The following XPOT variants were observed in gnomAD, a reference collection of about 807,000 sequenced individuals.
XPOT encodes exportin for tRNA.
Under a neutral mutation model 128.2 loss-of-function variants are expected in XPOT, and 34 were observed. The observed-to-expected ratio is 0.27, with a 90% CI of 0.20 to 0.35. XPOT has a LOEUF of 0.35. XPOT is among the 10% of genes least tolerant of loss of function. XPOT has a pLI of 1.00. For missense variants in XPOT, 838 were observed against 1,125.3 expected, an observed-to-expected ratio of 0.74 and a Z score of 3.65; for synonymous variants, 348 against 394.3, an observed-to-expected ratio of 0.88 and a Z score of 1.39.
At chr12:64,427,820 G>A (rs929431129) in intron 15 of XPOT, among the ~76,000 whole-genome samples, 3 of 151,970 alleles carry the variant, frequency 2.0e-5, no homozygotes, top group Non-Finnish European at 2.9e-5. Context: ...TATTTTTTGC[G>A]AATGAAAACT....
At chr12:64,418,694 TTAAA>T (rs1242375367) in intron 5 of XPOT, among the ~76,000 whole-genome samples, 178 bp from the exon 6 acceptor site, 2 of 152,196 alleles carry the variant, frequency 1.3e-5, no homozygotes, top group Non-Finnish European at 2.9e-5. Context: ...GGTCAATCAC[TTAAA>T]TACTTTTGAT....
At chr12:64,426,310 A>AAAAAG (rs796108387) in intron 15 of XPOT, among the ~76,000 whole-genome samples, 1 of 151,110 alleles carries the variant, frequency 6.6e-6, no homozygotes, top group African/African-American at 2.4e-5. Context: ...AAAAAAAAAA[A>AAAAAG]AAAGAAAAAG....
chr12:64,441,039 C>G (rs550203303), intron 23 of XPOT, among the ~76,000 whole-genome samples: 3 of 152,246 alleles, frequency 2.0e-5, no homozygotes, highest in Admixed American at 2.0e-4. Flanking sequence ...AGCTTTTCTC[C>G]TATGTTTTCT....
intron 16 of XPOT, among the ~76,000 whole-genome samples, chr12:64,428,975 C>T (rs75365483): frequency 0.014 from 2,185 of 152,268 alleles, 45 homozygotes; most frequent in African/African-American, 0.049. Flanking sequence ...TATAACTGCG[C>T]TCATCTGAAA....
At chr12:64,445,253 A>G in intron 24 of XPOT, 122 bp downstream of exon 24, 1 of 702,126 alleles carries the variant, frequency 1.4e-6, no homozygotes, top group East Asian at 2.9e-5. Context: ...GCTCTTGAAA[A>G]AGAGTATAAG....
rs1166233914 is a variant in XPOT, at chr12:64,425,126, G to A, written c.1396G>A (p.Ala466Thr). Residue 466 changes from alanine (A) to threonine (T), a missense_variant, in exon 13 of 25, where the codon GCT becomes ACT. Ala to Thr is a moderately conservative substitution (Grantham distance 58, BLOSUM62 0). Around this residue, in one of 3 missense-constraint regions of XPOT, gnomAD observed 761 missense variants for 988.3 expected, o/e 0.77. Coordinates refer to ENST00000332707, the MANE Select transcript of XPOT (RefSeq NM_007235.6). ...LAEALPVSHG[A>T]HFSGDVSKAS... ...AGAAGCTCTTCCAGTATCTCATGGT[G>A]CTCACTTCTCAGGTGATGTTTCAAA... 5 of 1,613,912 alleles carry A rather than the reference G, an allele frequency of 3.1e-6. No homozygotes were observed. Among genetic ancestry groups the A allele is most frequent in the Non-Finnish European group, 4.2e-6 (5 of 1,179,998 alleles).
chr12:64,425,534 CTA>C lies in XPOT; in HGVS notation c.1572+80_1572+81del, dbSNP rs2040184287. The C allele has an allele frequency of 5.9e-6, 9 of 1,535,584 alleles. No individual in the cohort carries two copies. In the South Asian group the frequency reaches 9.9e-5, roughly 17 times the overall value. On this transcript the variant is annotated intron_variant, in intron 14 of 24. Coordinates refer to ENST00000332707, the MANE Select transcript of XPOT (RefSeq NM_007235.6). ...ATAGTGTAGTATTGTATTTTTCTGT[CTA>C]TAACTTTTCTCAGAATCAAAACCTC...
At chr12:64,446,434 A>T (rs1413102837) in intron 24 of XPOT, among the ~76,000 whole-genome samples, 2 of 152,004 alleles carry the variant, frequency 1.3e-5, no homozygotes, top group Non-Finnish European at 2.9e-5. Context: ...GATCTTGCAG[A>T]TTCTTTCCTC....
chr12:64,416,797 G>A, intron 4 of XPOT, 43 bp downstream of exon 4: 2 of 1,522,346 alleles, frequency 1.3e-6, no homozygotes, highest in South Asian at 2.3e-5. Context: ...TGCGGGGAGA[G>A]GTCATTTTTT....
chr12:64,406,301 C>T (rs2039982262), intron 1 of XPOT, among the ~76,000 whole-genome samples: 1 of 151,872 alleles, frequency 6.6e-6, no homozygotes, highest in Non-Finnish European at 1.5e-5. Flanking sequence ...GTCTCGAACT[C>T]CTGACCTCGT....
At chr12:64,408,886 C>T (rs367976200) in intron 1 of XPOT, among the ~76,000 whole-genome samples, 1 of 152,246 alleles carries the variant, frequency 6.6e-6, no homozygotes. Context: ...ATTGGTCAGG[C>T]TGGCTTGAAC....
In XPOT at chr12:64,414,889, T is replaced by G; in HGVS notation, c.61-18T>G. On this transcript the variant is annotated intron_variant, in intron 2 of 24. Transcript: ENST00000332707. Reference sequence around the variant, plus strand: ...ATTGTTTATTCTAAATGCATTTTTTTGTTTTGCAATCTTATAGGCCCTGGC... The same window carrying G: ...ATTGTTTATTCTAAATGCATTTTTTGGTTTTGCAATCTTATAGGCCCTGGC... 2.6e-6 allele frequency: 4 copies of G among 1,562,738 alleles called. No homozygotes were observed. The highest frequency in any genetic ancestry group is 3.5e-6 in the Non-Finnish European group (4 of 1,135,000).
At chr12:64,415,659 G>A (rs112836565) in intron 3 of XPOT, among the ~76,000 whole-genome samples, 5 of 152,266 alleles carry the variant, frequency 3.3e-5, no homozygotes, top group African/African-American at 9.6e-5. Context: ...GATTACAGGC[G>A]TGAGCCACCG....
At chr12:64,425,791 T>C in intron 14 of XPOT, 24 bp from the exon 15 acceptor site, 1 of 1,606,312 alleles carries the variant, frequency 6.2e-7, no homozygotes. Context: ...AATGCAGAAA[T>C]AGTAAAAGTG....
At chr12:64,432,335 T>G (rs987563590) in intron 18 of XPOT, among the ~76,000 whole-genome samples, 9 of 152,000 alleles carry the variant, frequency 5.9e-5, no homozygotes, top group African/African-American at 2.2e-4. Context: ...AACCTCCACC[T>G]CCCAGGTTCA....
intron 24 of XPOT, 137 bp from the exon 25 acceptor site, chr12:64,447,968 T>C: frequency 1.3e-6 from 1 of 763,486 alleles, no homozygotes; most frequent in South Asian, 1.7e-5. Flanking sequence ...TTGGATTACA[T>C]ACGGATATAT....
intron 24 of XPOT, among the ~76,000 whole-genome samples, chr12:64,447,045 G>A (rs1037159317): frequency 6.6e-5 from 10 of 152,156 alleles, no homozygotes; most frequent in African/African-American, 2.4e-4. Flanking sequence ...CACATCTTAC[G>A]TGGATGGCAG....
intron 1 of XPOT, 57 bp from the exon 2 acceptor site, chr12:64,409,905 T>A: frequency 1.4e-6 from 1 of 717,424 alleles, no homozygotes; most frequent in Non-Finnish European, 2.5e-6. Flanking sequence ...TTATTCAGGA[T>A]AAGCATCTAT....
chr12:64,435,950 A>G (rs1164346685), intron 22 of XPOT, among the ~76,000 whole-genome samples: 1 of 151,500 alleles, frequency 6.6e-6, no homozygotes, highest in Non-Finnish European at 1.5e-5. Flanking sequence ...TTTTTATTTT[A>G]TTTTTATTTT....
Sources: allele counts gnomAD v4.1 joint callset (sites outside exome capture counted in the v4.1 genomes callset), GRCh38; gene constraint gnomAD v4.1.1; regional missense constraint gnomAD v4.1.1; transcripts MANE v1.5; gene names NCBI Gene and HGNC (gene_info 2026-07-23, HGNC 2026-07-21).